FAIM2: variants seen among roughly 807,000 people sequenced by gnomAD.
The protein encoded by FAIM2 is Fas apoptotic inhibitory molecule 2.
Under a neutral mutation model 47.4 loss-of-function variants are expected in FAIM2, and 27 were observed. The observed-to-expected ratio is 0.57, with a 90% confidence interval of 0.42 to 0.78. The LOEUF (loss-of-function observed/expected upper bound fraction) is 0.78, where lower values mean the gene tolerates loss of function less well. Among genes scored for constraint, FAIM2 ranks in the 30% least tolerant of loss-of-function variants. FAIM2 has a pLI of 0.00. For missense variants in FAIM2, 311 were observed against 389.4 expected (o/e 0.80, Z 1.69); for synonymous variants, 156 against 159.3 (o/e 0.98, Z 0.16).
At position 49,884,930 on chromosome 12, in the gene FAIM2, C is replaced by T. The variant is rs1044178983; in HGVS notation, c.801+2456G>A. The stretch of plus-strand genomic sequence containing the variant: ...TGGAGCTTGCAGTCAGCCAAGATCG[C>T]GCTACTGCACTCCAGCCTGGGCGAC... On this transcript the variant is annotated intron_variant, in intron 11 of 11. Coordinates refer to ENST00000320634, the MANE Select transcript of FAIM2 (RefSeq NM_012306.4). 4.6e-5 allele frequency among the ~76,000 whole-genome samples: 7 copies of T among 152,106 alleles called. 1 individual carries two copies. Among genetic ancestry groups the T allele is most frequent in the Admixed American group, 1.3e-4 (2 of 15,274 alleles).
chr12:49,878,384 G>A lies in FAIM2; in HGVS notation c.802-7731C>T, dbSNP rs1325600623. ...TGTATATGTGGGCATGTGCATGTGT[G>A]TATATGTGTGTGTCTGTGTGCATGT... On this transcript the variant is annotated intron_variant, in intron 11 of 11. Transcript: ENST00000320634. Among the ~76,000 whole-genome samples the A allele has an allele frequency of 5.0e-4, 38 of 76,024 alleles. 7 individuals are homozygous for A. Among genetic ancestry groups the A allele is most frequent in the South Asian group, 4.9e-3 (11 of 2,226 alleles). 49.9% of individuals were successfully genotyped at this position (76,024 alleles called of 152,430 possible). A position where few individuals can be genotyped will look rare whatever the true frequency, so the allele number is the denominator to read the frequency against.
intron 11 of FAIM2, among the ~76,000 whole-genome samples, chr12:49,879,882 ATGTG>A (rs1291480361): frequency 8.6e-6 from 1 of 116,210 alleles, no homozygotes; most frequent in East Asian, 2.8e-4. Flanking sequence ...GTGTATGTGT[ATGTG>A]TGCATGTGTA....
chr12:49,877,970 G>GTGTATGTGTA (rs1454596634), intron 11 of FAIM2, among the ~76,000 whole-genome samples: 46 of 151,072 alleles, frequency 3.0e-4, no homozygotes, highest in African/African-American at 1.1e-3. Context: ...GTATGTGTAT[G>GTGTATGTGTA]TGTGCATGTA....
intron 3 of FAIM2, 120 bp from the exon 4 acceptor site, chr12:49,897,703 G>T (rs1946948210): frequency 2.7e-6 from 2 of 732,920 alleles, no homozygotes; most frequent in African/African-American, 1.8e-5. Flanking sequence ...CTTTTTGGGG[G>T]TCATTGGAGT....
intron 11 of FAIM2, among the ~76,000 whole-genome samples, chr12:49,884,816 T>C (rs1946850047): frequency 6.6e-6 from 1 of 152,074 alleles, no homozygotes. Context: ...CTACTAAAAA[T>C]ACAAAAAATT....
rs544091918 is a variant in FAIM2 at position 49,867,250 on chromosome 12, G to T, written c.*3254C>A. The T allele has an allele frequency of 6.6e-6, 1 of 152,400 alleles. No homozygotes were observed. The highest frequency in any genetic ancestry group is 2.4e-5 in the African/African-American group (1 of 41,576). 9.4% of individuals were successfully genotyped at this position (152,400 alleles called of 1,614,324 possible). On this transcript the variant is annotated 3_prime_UTR_variant, in exon 12 of 12. Coordinates refer to ENST00000320634, the MANE Select transcript of FAIM2 (RefSeq NM_012306.4). ...CAACCTCCAGCCACATGGGCCCTCGGTGACTCTCCCAAACCAGGCCCTGCG... is the reference window on the plus strand; with the variant it reads ...CAACCTCCAGCCACATGGGCCCTCGTTGACTCTCCCAAACCAGGCCCTGCG...
At chr12:49,880,524 GTA>G (rs1201709085) in intron 11 of FAIM2, among the ~76,000 whole-genome samples, 3 of 147,584 alleles carry the variant, frequency 2.0e-5, no homozygotes, top group African/African-American at 2.5e-5. Flanking sequence ...ATGTGCATGT[GTA>G]TATGTGCGTG....
At chr12:49,879,859 T>C (rs1946793534) in intron 11 of FAIM2, among the ~76,000 whole-genome samples, 1 of 151,804 alleles carries the variant, frequency 6.6e-6, no homozygotes, top group African/African-American at 2.4e-5. Context: ...TGTATGTTCA[T>C]GTGTATATGT....
intron 5 of FAIM2, among the ~76,000 whole-genome samples, chr12:49,894,176 C>A (rs1946919676): frequency 6.6e-6 from 1 of 152,198 alleles, no homozygotes; most frequent in South Asian, 2.1e-4. Flanking sequence ...AACTCACTGG[C>A]CTGTTGGGAG....
At position 49,879,034 on chromosome 12, in the gene FAIM2, GTGTGCATGAGTTTGTGTA is replaced by G. The variant is rs1310155959; in HGVS notation, c.801+8334_801+8351del. Among the ~76,000 whole-genome samples, 29 of 135,378 alleles carry G rather than the reference GTGTGCATGAGTTTGTGTA, an allele frequency of 2.1e-4. 2 individuals are homozygous for G. The highest frequency in any genetic ancestry group is 3.9e-4 in the Non-Finnish European group (25 of 64,172). 88.8% of individuals were successfully genotyped at this position (135,378 alleles called of 152,430 possible). A position where few individuals can be genotyped will look rare whatever the true frequency, so the allele number is the denominator to read the frequency against. ...TGTGTGTATGTGTATGTGTGTGTCT[GTGTGCATGAGTTTGTGTA>G]TGTGCATGTATGTATATGTGCATGT... On this transcript the variant is annotated intron_variant, in intron 11 of 11. Transcript: ENST00000320634.
chr12:49,886,598 C>T (rs1312471416), intron 11 of FAIM2, among the ~76,000 whole-genome samples: 1 of 152,094 alleles, frequency 6.6e-6, no homozygotes, highest in Non-Finnish European at 1.5e-5. Context: ...GCCTCAGCCT[C>T]CGGAGTAGCT....
intron 11 of FAIM2, among the ~76,000 whole-genome samples, chr12:49,879,570 A>G (rs1773483684): frequency 1.4e-5 from 2 of 145,632 alleles, no homozygotes; most frequent in Admixed American, 1.4e-4. Context: ...ATGCATGTAT[A>G]TGTGCGTGTA....
chr12:49,893,230 C>T (rs981953343), intron 5 of FAIM2, among the ~76,000 whole-genome samples: 2 of 152,182 alleles, frequency 1.3e-5, no homozygotes, highest in African/African-American at 4.8e-5. Flanking sequence ...CCACCCACCC[C>T]TCTAGCCCTT....
At chr12:49,880,599 T>C (rs1466742455) in intron 11 of FAIM2, among the ~76,000 whole-genome samples, 1 of 140,788 alleles carries the variant, frequency 7.1e-6, no homozygotes, top group Non-Finnish European at 1.5e-5. Flanking sequence ...TGCATGTGTA[T>C]GTGTGTGCAT....
rs1043463217 is a variant in FAIM2 at position 49,887,287 on chromosome 12, C to T, written c.801+99G>A. The T allele has an allele frequency of 4.8e-5, 54 of 1,125,718 alleles. No individual in the cohort carries two copies. In the African/African-American group the frequency reaches 7.6e-4, roughly 16 times the overall value. The allele number at this position is 1,125,718 out of a possible 1,614,324, so 69.7% of individuals were successfully genotyped here. A position where few individuals can be genotyped will look rare whatever the true frequency, so the allele number is the denominator to read the frequency against. ...CCTACCCGCAGGTGCTCCCGAGGAT[C>T]CAGGGAAGAGGGCTGTGAGGAAGAT... On this transcript the variant is annotated intron_variant, in intron 11 of 11. Coordinates refer to ENST00000320634, the MANE Select transcript of FAIM2 (RefSeq NM_012306.4).
At chr12:49,893,190 G>A (rs1946912433) in intron 5 of FAIM2, among the ~76,000 whole-genome samples, 2 of 152,130 alleles carry the variant, frequency 1.3e-5, no homozygotes, top group African/African-American at 4.8e-5. Flanking sequence ...ACCTGGCAAT[G>A]CCCTGGCTGA....
Position 49,903,805 on chromosome 12 carries a change from C to T in FAIM2, c.-13G>A. ...TTCCCTGGGTCATGGTGCCGTCTCT[C>T]GGGGAAGGGGTCCCTGAGGCCCGGG... On this transcript the variant is annotated 5_prime_UTR_variant, in exon 1 of 12. Transcript: ENST00000320634. 4.5e-6 allele frequency: 7 copies of T among 1,541,514 alleles called. No individual in the cohort carries two copies. Among genetic ancestry groups the T allele is most frequent in the Non-Finnish European group, 6.1e-6 (7 of 1,142,566 alleles).
At chr12:49,896,889 G>C in intron 5 of FAIM2, 142 bp downstream of exon 5, 2 of 737,308 alleles carry the variant, frequency 2.7e-6, no homozygotes, top group East Asian at 2.5e-5. Context: ...AATGGGGCAG[G>C]GTTGGAGGGG....
At chr12:49,871,655 T>A (rs938086795) in intron 11 of FAIM2, among the ~76,000 whole-genome samples, 1 of 143,990 alleles carries the variant, frequency 6.9e-6, no homozygotes, top group Non-Finnish European at 1.5e-5. Flanking sequence ...ATTTTTTTTC[T>A]TTTCTTTTCT....
Sources: allele counts gnomAD v4.1 joint callset (sites outside exome capture counted in the v4.1 genomes callset), GRCh38; gene constraint gnomAD v4.1.1; transcripts MANE v1.5; gene names NCBI Gene and HGNC (gene_info 2026-07-23, HGNC 2026-07-21).